The following MDGA2 variants were observed in gnomAD, a reference collection of about 807,000 sequenced individuals.
The protein encoded by MDGA2 is MAM domain containing glycosylphosphatidylinositol anchor 2, also known as MAM domain-containing glycosylphosphatidylinositol anchor protein 2.
MDGA2 carries 40 observed loss-of-function variants against 117.8 expected under a neutral mutation model. That is an observed-to-expected ratio of 0.34 (90% CI 0.26 to 0.44). The LOEUF is 0.44. Ranked by LOEUF, MDGA2 falls within the 20% of genes least tolerant of loss-of-function variation. The pLI is 1.00. For synonymous variants in MDGA2, 452 were observed against 439.0 expected (o/e 1.03, Z -0.37); for missense variants, 1,123 against 1,250.6 (o/e 0.90, Z 1.54).
chr14:47,083,682 A>AT (rs989003668), intron 6 of MDGA2, among the ~76,000 whole-genome samples: 1 of 152,112 alleles, frequency 6.6e-6, no homozygotes, highest in Non-Finnish European at 1.5e-5. Flanking sequence ...TATATTATCT[A>AT]TAAGAAATTC....
intron 1 of MDGA2, among the ~76,000 whole-genome samples, chr14:47,540,171 G>T (rs554080576): frequency 6.6e-6 from 1 of 152,064 alleles, no homozygotes; most frequent in East Asian, 1.9e-4. Flanking sequence ...CCGCCACCTC[G>T]CCCGGCTAAT....
chr14:47,360,651 G>A (rs1225488476), intron 1 of MDGA2, among the ~76,000 whole-genome samples: 1 of 152,054 alleles, frequency 6.6e-6, no homozygotes, highest in Non-Finnish European at 1.5e-5. Flanking sequence ...ATTCATTATG[G>A]AAAACAGTAT....
At chr14:47,654,603 G>C (rs1382242963) in intron 1 of MDGA2, among the ~76,000 whole-genome samples, 1 of 152,090 alleles carries the variant, frequency 6.6e-6, no homozygotes, top group Non-Finnish European at 1.5e-5. Context: ...TGGGTCACCA[G>C]AGAATGGAAC....
At chr14:46,900,753 T>A (rs1883252748) in intron 10 of MDGA2, among the ~76,000 whole-genome samples, 5 of 152,128 alleles carry the variant, frequency 3.3e-5, no homozygotes, top group Admixed American at 3.3e-4. Flanking sequence ...CAGTTGAGTA[T>A]CTTGTTTGCA....
intron 1 of MDGA2, among the ~76,000 whole-genome samples, chr14:47,343,993 T>C (rs1039876896): frequency 6.6e-6 from 1 of 152,146 alleles, no homozygotes; most frequent in Non-Finnish European, 1.5e-5. Context: ...CCTCCGCGCA[T>C]CTAGAAATAA....
In MDGA2 at chr14:47,674,656, C is replaced by T; in HGVS notation, c.141G>A (p.Leu47=). 1 of 1,453,380 alleles carries T rather than the reference C, an allele frequency of 6.9e-7. No homozygotes were observed. Among genetic ancestry groups the T allele is most frequent in the Non-Finnish European group, 9.4e-7 (1 of 1,058,536 alleles). 90.0% of individuals were successfully genotyped at this position (1,453,380 alleles called of 1,614,324 possible). Residue 47 remains leucine, a synonymous_variant, in exon 1 of 17, where the codon CTG becomes CTA. Coordinates refer to ENST00000399232, the MANE Select transcript of MDGA2 (RefSeq NM_001113498.3). ...ACGGGACCTTCAGGAGGCCGGCGGC[C>T]AGCCAGGCGCGCTCCACTCGCGCCC... The part of the protein sequence containing the change: ...LARARVERAW[L]AAGLLKVPLR...
intron 2 of MDGA2, among the ~76,000 whole-genome samples, chr14:47,271,801 C>T (rs1888153326): frequency 6.6e-6 from 1 of 151,960 alleles, no homozygotes; most frequent in African/African-American, 2.4e-5. Flanking sequence ...ATATTCATTC[C>T]TTATTTTCTT....
At position 46,991,671 on chromosome 14, in the gene MDGA2, T is replaced by C. The variant is rs889561037; in HGVS notation, c.1820-34028A>G. On this transcript the variant is annotated intron_variant, in intron 8 of 16. Transcript: ENST00000399232. Reference sequence around the variant, plus strand: ...TTTTCTCCTCTCATACTGGAATGTTTCTAAGGGAAAAATATGAAATTCCTT... The same window carrying C: ...TTTTCTCCTCTCATACTGGAATGTTCCTAAGGGAAAAATATGAAATTCCTT... Among the ~76,000 whole-genome samples the C allele has an allele frequency of 3.9e-5, 6 of 152,142 alleles. No individual in the cohort carries two copies. In the East Asian group the frequency reaches 9.6e-4, roughly 24 times the overall value.
chr14:47,022,557 C>T (rs1888324381), intron 8 of MDGA2, among the ~76,000 whole-genome samples: 1 of 151,932 alleles, frequency 6.6e-6, no homozygotes, highest in Non-Finnish European at 1.5e-5. Flanking sequence ...AAAAATGTCT[C>T]CGTATATTAG....
intron 9 of MDGA2, among the ~76,000 whole-genome samples, chr14:46,933,803 T>C (rs1169034771): frequency 9.3e-5 from 1 of 10,806 alleles, no homozygotes; most frequent in African/African-American, 4.2e-4. Flanking sequence ...GTAACAAATA[T>C]ATATATATAT....
intron 7 of MDGA2, among the ~76,000 whole-genome samples, chr14:47,044,508 T>G (rs1160265971): frequency 2.0e-5 from 3 of 152,198 alleles, no homozygotes; most frequent in African/African-American, 7.2e-5. Context: ...GTCCTGTGTG[T>G]AAATGTTTCC....
At chr14:46,988,346 G>C (rs764546711) in intron 8 of MDGA2, among the ~76,000 whole-genome samples, 5 of 152,020 alleles carry the variant, frequency 3.3e-5, no homozygotes, top group Non-Finnish European at 2.9e-5. Flanking sequence ...TCAAATAAGA[G>C]TAGCATAATT....
intron 1 of MDGA2, among the ~76,000 whole-genome samples, chr14:47,383,818 C>A (rs1891691439): frequency 6.6e-6 from 1 of 152,080 alleles, no homozygotes; most frequent in Non-Finnish European, 1.5e-5. Flanking sequence ...AACCACCACA[C>A]CCGGACGGTT....
chr14:47,168,534 T>A (rs1270547966), intron 3 of MDGA2, among the ~76,000 whole-genome samples: 1 of 152,044 alleles, frequency 6.6e-6, no homozygotes, highest in East Asian at 1.9e-4. Flanking sequence ...ACTACCTGTC[T>A]CTCATTGGAT....
chr14:47,646,174 G>A (rs1897530673), intron 1 of MDGA2, among the ~76,000 whole-genome samples: 1 of 150,644 alleles, frequency 6.6e-6, no homozygotes, highest in Non-Finnish European at 1.5e-5. Flanking sequence ...TAAATACAAA[G>A]ATATAAATAT....
intron 1 of MDGA2, among the ~76,000 whole-genome samples, chr14:47,328,306 T>G (rs527492068): frequency 6.6e-6 from 1 of 152,258 alleles, no homozygotes; most frequent in East Asian, 1.9e-4. Context: ...ATTTGTCAAC[T>G]GCTATGAAAT....
chr14:47,230,447 C>T (rs1489587893), intron 2 of MDGA2, among the ~76,000 whole-genome samples: 1 of 151,814 alleles, frequency 6.6e-6, no homozygotes, highest in African/African-American at 2.4e-5. Context: ...TCTAAAATCC[C>T]CCCCAAAACA....
At chr14:46,996,296 G>T (rs978988885) in intron 8 of MDGA2, among the ~76,000 whole-genome samples, 5 of 152,148 alleles carry the variant, frequency 3.3e-5, no homozygotes, top group African/African-American at 1.2e-4. Context: ...ACCAGTGAAA[G>T]GTAGACTGCT....
Position 46,875,033 on chromosome 14 carries a change from A to G in MDGA2, c.2438-833T>C, listed in dbSNP as rs537758060. On this transcript the variant is annotated intron_variant, in intron 12 of 16. Transcript: ENST00000399232. ...TGTGTATCCTTGAGAAAGAATAAAC[A>G]TAATGTATATTATTTCACTCAGCCT... Among the ~76,000 whole-genome samples, 4 of 151,930 alleles carry G rather than the reference A, an allele frequency of 2.6e-5. No homozygotes were observed. In the East Asian group the frequency reaches 7.8e-4, roughly 29 times the overall value.
Sources: gnomAD v4.1 joint callset for allele counts (sites outside exome capture counted in the v4.1 genomes callset) on GRCh38, gnomAD v4.1.1 for gene constraint, MANE v1.5 for transcripts, NCBI Gene and HGNC (gene_info 2026-07-23, HGNC 2026-07-21) for gene names.